The following CTSF variants were observed in gnomAD, a reference collection of about 807,000 sequenced individuals.
CTSF encodes the protein cathepsin F.
Under a neutral mutation model 63.5 loss-of-function variants are expected in CTSF, and 65 were observed. The ratio of observed to expected loss-of-function variants is 1.02; its 90% CI spans 0.84 to 1.26. The LOEUF (loss-of-function observed/expected upper bound fraction) is 1.26, where lower values mean the gene tolerates loss of function less well. CTSF is among the 50% of genes most tolerant of loss of function. The pLI is 0.00. For missense variants in CTSF, 641 were observed against 631.0 expected, an observed-to-expected ratio of 1.02 and a Z score of -0.17; for synonymous variants, 256 against 258.1, an observed-to-expected ratio of 0.99 and a Z score of 0.08.
At chr11:66,568,162 C>A in intron 1 of CTSF, 80 bp from the exon 2 acceptor site, 1 of 1,558,578 alleles carries the variant, frequency 6.4e-7, no homozygotes, top group South Asian at 1.2e-5. Flanking sequence ...GCTGCCCATT[C>A]CCCATCACCA....
intron 4 of CTSF, 135 bp downstream of exon 4, chr11:66,567,111 G>A: frequency 1.1e-6 from 1 of 892,222 alleles, no homozygotes; most frequent in Non-Finnish European, 1.8e-6. Context: ...GAAGGCTTAG[G>A]GAGAGCTCAG....
intron 3 of CTSF, 37 bp downstream of exon 3, chr11:66,567,407 C>T (rs751783877): frequency 2.4e-5 from 39 of 1,601,974 alleles, no homozygotes; most frequent in Non-Finnish European, 3.2e-5. Flanking sequence ...CGGCTGGCTC[C>T]TCAAGCTGAG....
chr11:66,564,735 G>A lies in CTSF; in HGVS notation c.1230+7C>T. On this transcript the variant is annotated splice_region_variant and intron_variant, in intron 10 of 12. Transcript: ENST00000310325. The stretch of plus-strand genomic sequence containing the variant: ...ATGGGGCAGGGGCAGTGGGGCTAGG[G>A]CCTCACCTGCATGCCAAAGGCATTG... 2 of 1,613,996 alleles carry A rather than the reference G, an allele frequency of 1.2e-6. No homozygotes were observed. The highest frequency in any genetic ancestry group is 1.7e-6 in the Non-Finnish European group (2 of 1,179,984).
At chr11:66,566,437 G>C in intron 4 of CTSF, 33 bp from the exon 5 acceptor site, 1 of 1,602,522 alleles carries the variant, frequency 6.2e-7, no homozygotes, top group Non-Finnish European at 8.5e-7. Context: ...GGAGGGGTTC[G>C]ACCCCAGGCA....
chr11:66,567,818 T>G, intron 2 of CTSF, 156 bp from the exon 3 acceptor site: 1 of 1,357,568 alleles, frequency 7.4e-7, no homozygotes, highest in Non-Finnish European at 9.9e-7. Context: ...CACCGGGGCA[T>G]CCTCCCCTTC....
intron 1 of CTSF, 71 bp downstream of exon 1, chr11:66,568,203 T>G: frequency 2.0e-6 from 3 of 1,527,806 alleles, no homozygotes; most frequent in Non-Finnish European, 2.6e-6. Flanking sequence ...GCAGGCCCCA[T>G]CCCAATGTTA....
chr11:66,567,810 C>G, intron 2 of CTSF, 148 bp from the exon 3 acceptor site: 2 of 1,364,818 alleles, frequency 1.5e-6, no homozygotes, highest in Non-Finnish European at 2.0e-6. Context: ...ACGGCCTGCA[C>G]CGGGGCATCC....
At position 66,564,718 on chromosome 11, in the gene CTSF, GGGGCAGTGGGGCTA is replaced by G; in HGVS notation, c.1230+10_1230+23del. 6.2e-7 allele frequency: 1 copy of G among 1,613,678 alleles called. No individual in the cohort carries two copies. The highest frequency in any genetic ancestry group is 8.5e-7 in the Non-Finnish European group (1 of 1,179,770). ...GGGGAGGTCAACAAGAGATGGGGCA[GGGGCAGTGGGGCTA>G]GGGCCTCACCTGCATGCCAAAGGCA... On this transcript the variant is annotated intron_variant, in intron 10 of 12. Transcript: ENST00000310325.
Position 66,567,250 on chromosome 11 carries a change from C to A in CTSF, c.603G>T (p.Lys201Asn), listed in dbSNP as rs1232616912. The A allele has an allele frequency of 6.2e-7, 1 of 1,614,108 alleles. No individual in the cohort carries two copies. Among genetic ancestry groups the A allele is most frequent in the Non-Finnish European group, 8.5e-7 (1 of 1,180,048 alleles). The change falls in exon 4 of 13, where the codon AAG becomes AAT. Residue 201 changes from lysine (K) to asparagine (N), a missense_variant. Physicochemically the swap from Lys to Asn is moderately conservative, Grantham distance 94. Transcript: ENST00000310325. ...VITYNRTYES[K>N]EEARWRLSVF... is the part of the protein sequence containing the mutation. The stretch of plus-strand genomic sequence containing the variant: ...CAGCCAAGGCTGGGTCCTCACCTTC[C>A]TTTGACTCATATGTCCGGTTATAGG...
intron 8 of CTSF, among the ~76,000 whole-genome samples, 157 bp from the exon 9 acceptor site, chr11:66,565,163 C>A (rs1305337502): frequency 1.3e-5 from 2 of 152,212 alleles, no homozygotes; most frequent in African/African-American, 4.8e-5. Context: ...AGAAATGACA[C>A]ATCTGAGGCT....
chr11:66,564,238 C>A, intron 11 of CTSF, 92 bp from the exon 12 acceptor site: 1 of 1,443,512 alleles, frequency 6.9e-7, no homozygotes. Flanking sequence ...TTGCACTGGG[C>A]CTACTGTGTG....
chr11:66,565,091 GT>G, intron 8 of CTSF, 85 bp from the exon 9 acceptor site: 1 of 1,499,854 alleles, frequency 6.7e-7, no homozygotes, highest in South Asian at 1.4e-5. Flanking sequence ...TCTACGCGAG[GT>G]TTCACATTCC....
chr11:66,564,035 C>T (rs749446980), intron 12 of CTSF, 28 bp from the exon 13 acceptor site: 2 of 1,613,868 alleles, frequency 1.2e-6, no homozygotes, highest in South Asian at 1.1e-5. Context: ...CTGGTGAGGG[C>T]ACCAGGGTAG....
At chr11:66,564,429 T>C in intron 11 of CTSF, 129 bp downstream of exon 11, 1 of 904,720 alleles carries the variant, frequency 1.1e-6, no homozygotes, top group Non-Finnish European at 1.6e-6. Context: ...CAGCTGGTCA[T>C]GGCCCAGGCA....
chr11:66,565,811 G>A lies in CTSF; in HGVS notation c.964+20C>T, dbSNP rs762803735. 11 of 1,613,818 alleles carry A rather than the reference G, an allele frequency of 6.8e-6. No homozygotes were observed. The highest frequency in any genetic ancestry group is 6.6e-5 in the South Asian group (6 of 91,092). On this transcript the variant is annotated intron_variant, in intron 7 of 12. Coordinates refer to ENST00000310325, the MANE Select transcript of CTSF (RefSeq NM_003793.4). ...CTGAGGGGCTAGGCTGGGGACAGAG[G>A]AGTAGAGCGAGATGCTCACCCTGTT...
chr11:66,568,320 G>A lies in CTSF; in HGVS notation c.167C>T (p.Ala56Val), dbSNP rs968103781. 39 of 1,319,526 alleles carry A rather than the reference G, an allele frequency of 3.0e-5. No homozygotes were observed. Among genetic ancestry groups the A allele is most frequent in the South Asian group, 9.1e-5 (4 of 43,880 alleles). 81.7% of individuals were successfully genotyped at this position (1,319,526 alleles called of 1,614,324 possible). A position where few individuals can be genotyped will look rare whatever the true frequency, so the allele number is the denominator to read the frequency against. ...AAGGCCCAGCACGGCCCGCGTCCCC[G>A]CAGCCCGGCCGCGGTTGAACATCTC... ...ALEMFNRGRAAGTRAVLGLVR... is the reference protein window; with the variant it reads ...ALEMFNRGRAVGTRAVLGLVR... The change falls in exon 1 of 13, where the codon GCG becomes GTG. Residue 56 changes from alanine (A) to valine (V), a missense_variant. Coordinates refer to ENST00000310325, the MANE Select transcript of CTSF (RefSeq NM_003793.4).
At chr11:66,564,694 G>C (rs1193838386) in intron 10 of CTSF, 46 bp from the exon 11 acceptor site, 2 of 1,613,050 alleles carry the variant, frequency 1.2e-6, no homozygotes, top group Non-Finnish European at 1.7e-6. Flanking sequence ...GAAGAGGTCG[G>C]GGAGGTCAAC....
Position 66,564,753 on chromosome 11 carries a change from A to C in CTSF, c.1219T>G (p.Phe407Val). 2 of 1,614,030 alleles carry C rather than the reference A, an allele frequency of 1.2e-6. No individual in the cohort carries two copies. Among genetic ancestry groups the C allele is most frequent in the Non-Finnish European group, 1.7e-6 (2 of 1,180,004 alleles). The change falls in exon 10 of 13, where the codon TTT becomes GTT. Residue 407 changes from phenylalanine to valine, a missense_variant. Transcript: ENST00000310325. The stretch of plus-strand genomic sequence containing the variant: ...GGCTAGGGCCTCACCTGCATGCCAA[A>C]GGCATTGATGGCCACGGAGATTGGG... ...RGPISVAINA[F>V]GMQFYRHGIS...
chr11:66,564,329 G>T (rs1049849819), intron 11 of CTSF, 183 bp from the exon 12 acceptor site: 1 of 811,488 alleles, frequency 1.2e-6, no homozygotes, highest in Non-Finnish European at 1.9e-6. Context: ...GAGGAAGCAC[G>T]CACCCACCCG....
Sources: gnomAD v4.1 joint callset for allele counts (sites outside exome capture counted in the v4.1 genomes callset) on GRCh38, gnomAD v4.1.1 for gene constraint, MANE v1.5 for transcripts, NCBI Gene and HGNC (gene_info 2026-07-23, HGNC 2026-07-21) for gene names.